The following TCF12 variants were observed in gnomAD, a reference collection of about 807,000 sequenced individuals.
TCF12 encodes the protein transcription factor 12, also known as DNA-binding protein HTF4.
TCF12 carries 45 observed loss-of-function variants against 86.0 expected under a neutral mutation model. The observed-to-expected ratio is 0.52, with a 90% CI of 0.41 to 0.67. The LOEUF (loss-of-function observed/expected upper bound fraction) is 0.67. TCF12 is among the 30% of genes least tolerant of loss of function. The pLI is 0.00. For missense variants in TCF12, 881 were observed against 859.9 expected (o/e 1.02, Z -0.31); for synonymous variants, 330 against 299.6 (o/e 1.10, Z -1.05).
intron 3 of TCF12, among the ~76,000 whole-genome samples, chr15:57,012,704 A>C (rs759095071): frequency 8.5e-5 from 13 of 152,158 alleles, no homozygotes; most frequent in Admixed American, 3.3e-4. Flanking sequence ...CTAGGCCCTT[A>C]TATAGCTTTG....
intron 3 of TCF12, among the ~76,000 whole-genome samples, chr15:56,998,808 A>G (rs1301878129): frequency 6.6e-6 from 1 of 152,212 alleles, no homozygotes; most frequent in Admixed American, 6.5e-5. Flanking sequence ...AACAAATTTA[A>G]AAGAATTGAA....
intron 3 of TCF12, among the ~76,000 whole-genome samples, chr15:56,929,665 A>G (rs1763324325): frequency 6.6e-6 from 1 of 152,198 alleles, no homozygotes; most frequent in Admixed American, 6.5e-5. Context: ...TTTTTATTGC[A>G]GTGGGTGGTG....
intron 3 of TCF12, among the ~76,000 whole-genome samples, chr15:57,029,753 C>G (rs1156985470): frequency 2.6e-5 from 4 of 152,178 alleles, no homozygotes; most frequent in South Asian, 4.1e-4. Flanking sequence ...CTCTTAATCC[C>G]TGGCAGCCAT....
chr15:57,179,674 A>T (rs540925235), intron 6 of TCF12, among the ~76,000 whole-genome samples: 2 of 152,306 alleles, frequency 1.3e-5, no homozygotes, highest in South Asian at 4.1e-4. Flanking sequence ...AGATTATAAA[A>T]TTTGGGATTT....
chr15:57,169,439 G>A (rs2055144981), intron 6 of TCF12, among the ~76,000 whole-genome samples: 1 of 152,166 alleles, frequency 6.6e-6, no homozygotes, highest in Non-Finnish European at 1.5e-5. Flanking sequence ...CTAGGTTCAA[G>A]TCCCATCTCT....
chr15:57,023,149 T>G (rs2065600681), intron 3 of TCF12, among the ~76,000 whole-genome samples: 4 of 152,178 alleles, frequency 2.6e-5, no homozygotes, highest in Admixed American at 2.6e-4. Context: ...CTAGACAACA[T>G]CTCCAGTTTT....
At chr15:57,182,791 C>T (rs2056435715) in intron 6 of TCF12, among the ~76,000 whole-genome samples, 1 of 152,068 alleles carries the variant, frequency 6.6e-6, no homozygotes, top group East Asian at 1.9e-4. Flanking sequence ...ATTTGTTCTC[C>T]TTTTTTTCTT....
At chr15:57,218,622 T>G (rs1322021850) in intron 8 of TCF12, among the ~76,000 whole-genome samples, 1 of 152,216 alleles carries the variant, frequency 6.6e-6, no homozygotes, top group Admixed American at 6.5e-5. Flanking sequence ...GTTTAGTTTA[T>G]TCTCTCATAC....
chr15:56,982,658 A>T (rs1174466405), intron 3 of TCF12, among the ~76,000 whole-genome samples: 1 of 152,226 alleles, frequency 6.6e-6, no homozygotes, highest in African/African-American at 2.4e-5. Flanking sequence ...TCTGTAAACC[A>T]TACTTTAATC....
intron 7 of TCF12, among the ~76,000 whole-genome samples, chr15:57,197,383 C>A (rs1288978635): frequency 1.3e-5 from 2 of 151,996 alleles, no homozygotes; most frequent in African/African-American, 4.8e-5. Flanking sequence ...GTCTCAAACT[C>A]CTGACCTCAG....
chr15:56,948,539 G>A (rs1315079026), intron 3 of TCF12, among the ~76,000 whole-genome samples: 14 of 152,140 alleles, frequency 9.2e-5, no homozygotes, highest in Admixed American at 8.5e-4. Context: ...TACCTTGACT[G>A]TAGAAGAGAA....
chr15:57,080,516 G>A (rs77061979), intron 4 of TCF12, among the ~76,000 whole-genome samples: 2,599 of 152,270 alleles, frequency 0.017, 44 homozygotes, highest in Non-Finnish European at 0.029. Flanking sequence ...AAGCCGTTTT[G>A]CATTCAGTTG....
At chr15:57,055,745 G>C (rs545737879) in intron 3 of TCF12, among the ~76,000 whole-genome samples, 1 of 152,040 alleles carries the variant, frequency 6.6e-6, no homozygotes, top group Non-Finnish European at 1.5e-5. Context: ...GTTGTCAGCA[G>C]CTTGACTATG....
At chr15:57,012,556 A>G (rs1165418695) in intron 3 of TCF12, among the ~76,000 whole-genome samples, 1 of 152,252 alleles carries the variant, frequency 6.6e-6, no homozygotes, top group Admixed American at 6.5e-5. Flanking sequence ...TTTAGTGTGC[A>G]GGATATTCAT....
chr15:57,127,639 T>C (rs1025080120), intron 5 of TCF12, among the ~76,000 whole-genome samples: 11 of 152,206 alleles, frequency 7.2e-5, no homozygotes, highest in Non-Finnish European at 1.3e-4. Context: ...AGTGTGAGTA[T>C]ATAGTAATCA....
intron 13 of TCF12, among the ~76,000 whole-genome samples, chr15:57,244,983 C>A (rs1466228766): frequency 6.6e-6 from 1 of 152,054 alleles, no homozygotes; most frequent in Admixed American, 6.5e-5. Context: ...GGAGAAAAGC[C>A]TTGCTGAAGA....
intron 3 of TCF12, among the ~76,000 whole-genome samples, chr15:56,968,515 C>A (rs1243844597): frequency 6.6e-6 from 1 of 152,040 alleles, no homozygotes; most frequent in Non-Finnish European, 1.5e-5. Flanking sequence ...TGCCACTGTG[C>A]CTGGCCTCAT....
chr15:57,005,883 G>C (rs1190730945), intron 3 of TCF12, among the ~76,000 whole-genome samples: 4 of 152,134 alleles, frequency 2.6e-5, no homozygotes, highest in African/African-American at 9.7e-5. Flanking sequence ...GTATTTTACG[G>C]AAGCTAAATA....
At chr15:57,013,156 A>G (rs1191551387) in intron 3 of TCF12, among the ~76,000 whole-genome samples, 1 of 152,154 alleles carries the variant, frequency 6.6e-6, no homozygotes, top group East Asian at 1.9e-4. Context: ...TAGGAAGGCA[A>G]AGAGAATAAA....
Sources: gnomAD v4.1 joint callset for allele counts (sites outside exome capture counted in the v4.1 genomes callset) on GRCh38, gnomAD v4.1.1 for gene constraint, MANE v1.5 for transcripts, NCBI Gene and HGNC (gene_info 2026-07-23, HGNC 2026-07-21) for gene names.